The following DPP6 variants were observed in gnomAD, a reference collection of about 807,000 sequenced individuals.
DPP6 encodes dipeptidyl peptidase like 6.
A neutral mutation model predicts 122.6 loss-of-function variants in DPP6; 69 were observed. The observed-to-expected ratio is 0.56, with a 90% CI of 0.46 to 0.69. The LOEUF is 0.69. Among genes scored for constraint, DPP6 ranks in the 30% least tolerant of loss-of-function variants. The pLI is 0.00. For missense variants in DPP6, 928 were observed against 1,116.9 expected, an observed-to-expected ratio of 0.83 and a Z score of 2.41; for synonymous variants, 418 against 433.1, an observed-to-expected ratio of 0.97 and a Z score of 0.43.
At chr7:154,756,464 A>G (rs1172939281) in intron 8 of DPP6, among the ~76,000 whole-genome samples, 3 of 152,202 alleles carry the variant, frequency 2.0e-5, no homozygotes, top group African/African-American at 4.8e-5. Flanking sequence ...GAGCTCTCAC[A>G]TCGACAACCC....
intron 1 of DPP6, among the ~76,000 whole-genome samples, chr7:154,212,842 C>T (rs899811907): frequency 8.5e-5 from 13 of 152,160 alleles, no homozygotes; most frequent in African/African-American, 2.7e-4. Flanking sequence ...CTGAGGAGCA[C>T]ACAGGTGGGG....
chr7:153,937,293 TA>T (rs1383213921), intron 1 of DPP6, among the ~76,000 whole-genome samples: 1 of 152,152 alleles, frequency 6.6e-6, no homozygotes, highest in East Asian at 1.9e-4. Context: ...CGCAAAACAC[TA>T]AGTTTATTAC....
the DPP6 span, among the ~76,000 whole-genome samples, chr7:153,836,106 G>A: frequency 2.0e-5 from 3 of 152,180 alleles, no homozygotes; most frequent in Non-Finnish European, 4.4e-5. Context: ...ACCAGCCAAT[G>A]CCTATATTTT....
chr7:154,509,760 A>G (rs1825922291), intron 3 of DPP6, among the ~76,000 whole-genome samples: 1 of 152,246 alleles, frequency 6.6e-6, no homozygotes, highest in Non-Finnish European at 1.5e-5. Context: ...ATTTGGCCAT[A>G]AAAAGCAATA....
At chr7:153,978,623 T>G (rs1205532348) in intron 1 of DPP6, among the ~76,000 whole-genome samples, 1 of 152,260 alleles carries the variant, frequency 6.6e-6, no homozygotes, top group African/African-American at 2.4e-5. Flanking sequence ...AGGAAGACTT[T>G]GCCCATGACT....
intron 1 of DPP6, among the ~76,000 whole-genome samples, chr7:153,888,301 CT>C (rs1799030866): frequency 6.6e-6 from 1 of 152,236 alleles, no homozygotes; most frequent in African/African-American, 2.4e-5. Context: ...CCCCCAAAAG[CT>C]TGACTGTGCC....
chr7:154,214,198 A>G (rs978805886), intron 1 of DPP6, among the ~76,000 whole-genome samples: 1 of 152,238 alleles, frequency 6.6e-6, no homozygotes, highest in African/African-American at 2.4e-5. Context: ...GTTCAGAATG[A>G]TGGGGATTTC....
chr7:154,077,201 T>C (rs1383889000), intron 1 of DPP6, among the ~76,000 whole-genome samples: 4 of 152,224 alleles, frequency 2.6e-5, no homozygotes, highest in African/African-American at 4.8e-5. Context: ...TGTGTAGTGA[T>C]TGTAACTCTG....
At chr7:153,942,489 C>T (rs887106) in intron 1 of DPP6, among the ~76,000 whole-genome samples, 142,291 of 152,266 alleles carry the variant, frequency 0.93, 66,497 homozygotes, top group East Asian at 1. Flanking sequence ...ATGCTGCATA[C>T]TTTAGGAATG....
At chr7:154,507,386 G>A (rs1217460666) in intron 3 of DPP6, among the ~76,000 whole-genome samples, 2 of 152,098 alleles carry the variant, frequency 1.3e-5, no homozygotes, top group African/African-American at 2.4e-5. Flanking sequence ...CGTCATCTAT[G>A]TTTTAAGCCC....
At chr7:154,466,053 C>T (rs2070398087) in intron 2 of DPP6, among the ~76,000 whole-genome samples, 1 of 152,120 alleles carries the variant, frequency 6.6e-6, no homozygotes, top group Non-Finnish European at 1.5e-5. Flanking sequence ...ATGTCCTTTG[C>T]AGGGACATGG....
At chr7:154,704,484 T>G (rs1041835530) in intron 7 of DPP6, among the ~76,000 whole-genome samples, 1 of 152,158 alleles carries the variant, frequency 6.6e-6, no homozygotes, top group African/African-American at 2.4e-5. Context: ...TCAAATAGGA[T>G]TGGGTGCTAC....
chr7:153,772,985 TA>T, the DPP6 span, among the ~76,000 whole-genome samples: 2 of 132,558 alleles, frequency 1.5e-5, no homozygotes, highest in Non-Finnish European at 3.4e-5. Context: ...TTATATATTA[TA>T]TAATAATATA....
rs916728554 is a variant in DPP6 at position 154,280,901 on chromosome 7, G to A, written c.244-165313G>A. Among the ~76,000 whole-genome samples the A allele has an allele frequency of 2.0e-5, 3 of 152,128 alleles. No individual in the cohort carries two copies. In the East Asian group the frequency reaches 5.8e-4, roughly 29 times the overall value. On this transcript the variant is annotated intron_variant, in intron 1 of 25. Coordinates refer to ENST00000377770, the MANE Select transcript of DPP6 (RefSeq NM_130797.4). ...CATTTTTCCACGTGAGGACACTGTG[G>A]TAGGTTAAGACACTTGATGAAAGCT...
intron 1 of DPP6, among the ~76,000 whole-genome samples, chr7:153,963,464 G>A (rs372513144): frequency 2.7e-5 from 4 of 146,932 alleles, no homozygotes; most frequent in East Asian, 2.0e-4. Context: ...AAAGCATCCC[G>A]CTTCAAGAGG....
At position 154,170,352 on chromosome 7, in the gene DPP6, TAA is replaced by T. The variant is rs199587877; in HGVS notation, c.243+117290_243+117291del. 7.7e-3 allele frequency among the ~76,000 whole-genome samples: 1,172 copies of T among 152,306 alleles called. 8 individuals carry two copies. The highest frequency in any genetic ancestry group is 9.6e-3 in the Non-Finnish European group (655 of 68,016). ...TATCCCTTATCCTTCCTAACTTTCC[TAA>T]GTTTCCAGTCCTAACTTCCCTCTCC... On this transcript the variant is annotated intron_variant, in intron 1 of 25. Transcript: ENST00000377770.
At chr7:154,004,117 A>C (rs1419548334) in intron 1 of DPP6, among the ~76,000 whole-genome samples, 1 of 152,224 alleles carries the variant, frequency 6.6e-6, no homozygotes, top group Admixed American at 6.5e-5. Context: ...TAGTAGAAGC[A>C]TGAGTGGATA....
At chr7:154,262,299 C>T (rs1178483322) in intron 1 of DPP6, among the ~76,000 whole-genome samples, 2 of 152,218 alleles carry the variant, frequency 1.3e-5, no homozygotes, top group Non-Finnish European at 2.9e-5. Flanking sequence ...ATGTGACTGT[C>T]TCTGCAAATC....
At chr7:154,584,187 C>T (rs758604747) in intron 5 of DPP6, among the ~76,000 whole-genome samples, 6 of 152,238 alleles carry the variant, frequency 3.9e-5, no homozygotes, top group African/African-American at 7.2e-5. Flanking sequence ...CCAATCTGCA[C>T]CTCTTCCCTA....
Sources: gnomAD v4.1 joint callset for allele counts (sites outside exome capture counted in the v4.1 genomes callset) on GRCh38, gnomAD v4.1.1 for gene constraint, MANE v1.5 for transcripts, NCBI Gene and HGNC (gene_info 2026-07-23, HGNC 2026-07-21) for gene names.